Variants in LRRIQ1 observed in about 807,000 individuals in gnomAD.
LRRIQ1 encodes leucine rich repeats and IQ motif containing 1, also known as leucine-rich repeat- and IQ domain-containing protein 1.
Under a neutral mutation model 211.9 loss-of-function variants are expected in LRRIQ1, and 210 were observed. The ratio of observed to expected loss-of-function variants is 0.99; its 90% CI spans 0.89 to 1.11. LRRIQ1 has a LOEUF of 1.11. Among genes scored for constraint, LRRIQ1 ranks in the 50% most tolerant of loss-of-function variants. The pLI is 0.00. For synonymous variants in LRRIQ1, 699 were observed against 650.1 expected (o/e 1.08, Z -1.14); for missense variants, 2,136 against 1,939.5 (o/e 1.10, Z -1.90).
intron 3 of LRRIQ1, 29 bp downstream of exon 3, chr12:85,040,630 A>G (rs1878763984): frequency 7.4e-6 from 10 of 1,348,292 alleles, no homozygotes; most frequent in Non-Finnish European, 1.0e-5. Context: ...TGTCTGGCAG[A>G]TAAGCTTTCT....
At chr12:85,153,391 T>G (rs922239439) in intron 21 of LRRIQ1, among the ~76,000 whole-genome samples, 2 of 151,510 alleles carry the variant, frequency 1.3e-5, no homozygotes, top group Non-Finnish European at 3.0e-5. Context: ...TGTAAACAAG[T>G]GGATCTTTAA....
chr12:85,130,201 G>A (rs923853672), intron 18 of LRRIQ1, among the ~76,000 whole-genome samples: 4 of 152,088 alleles, frequency 2.6e-5, no homozygotes, highest in African/African-American at 9.7e-5. Context: ...TGTCTATACT[G>A]TACTCCTCCT....
At chr12:85,124,625 A>G (rs1438740097) in intron 17 of LRRIQ1, 106 bp downstream of exon 17, 2 of 828,334 alleles carry the variant, frequency 2.4e-6, no homozygotes, top group African/African-American at 1.7e-5. Flanking sequence ...TCAAATCACA[A>G]TCATATTTCA....
chr12:85,172,783 G>A (rs1273985976), intron 24 of LRRIQ1, among the ~76,000 whole-genome samples: 1 of 152,012 alleles, frequency 6.6e-6, no homozygotes, highest in Non-Finnish European at 1.5e-5. Context: ...ATGATATTAG[G>A]CCCTCTTGAT....
At chr12:85,074,752 G>A (rs990391491) in intron 11 of LRRIQ1, among the ~76,000 whole-genome samples, 2 of 151,978 alleles carry the variant, frequency 1.3e-5, no homozygotes, top group Non-Finnish European at 2.9e-5. Flanking sequence ...TATATGAGAT[G>A]TGGCAAAAAA....
At chr12:85,127,207 G>C (rs1592846497) in intron 17 of LRRIQ1, among the ~76,000 whole-genome samples, 1 of 152,234 alleles carries the variant, frequency 6.6e-6, no homozygotes, top group East Asian at 1.9e-4. Context: ...TGCTAATGTT[G>C]CTGGGCAACT....
chr12:85,245,886 T>TAG (rs1389489964), downstream of LRRIQ1, among the ~76,000 whole-genome samples: 19 of 150,950 alleles, frequency 1.3e-4, no homozygotes, highest in African/African-American at 4.6e-4. Context: ...TACATATATA[T>TAG]ATAGAGAGAG....
rs148881960 is a variant in LRRIQ1, at chr12:85,087,457, C to T, written c.2888-10898C>T. On this transcript the variant is annotated intron_variant, in intron 11 of 26. Coordinates refer to ENST00000393217, the MANE Select transcript of LRRIQ1 (RefSeq NM_001079910.2). ...GATTTATAATCCTTTGGGTATATAC[C>T]CAGTAATGGGATACCTGGGTCAAAT... 3.9e-3 allele frequency among the ~76,000 whole-genome samples: 597 copies of T among 152,162 alleles called. 4 individuals are homozygous for T. Among genetic ancestry groups the T allele is most frequent in the African/African-American group, 0.014 (587 of 41,514 alleles).
At position 85,229,499 on chromosome 12, in the gene LRRIQ1, T is replaced by C. The variant is rs758604347; in HGVS notation, c.4823-18T>C. On this transcript the variant is annotated intron_variant, in intron 24 of 26. Transcript: ENST00000393217. ...GTCTCTTTAAATAATAAGTACACGT[T>C]CCATATTTCTTTCACAGGTATAGAA... 6.3e-7 allele frequency: 1 copy of C among 1,588,516 alleles called. No homozygotes were observed. The highest frequency in any genetic ancestry group is 1.2e-5 in the South Asian group (1 of 86,170).
At chr12:85,244,011 T>C (rs1029850434) in intron 26 of LRRIQ1, among the ~76,000 whole-genome samples, 57 of 151,732 alleles carry the variant, frequency 3.8e-4, no homozygotes, top group African/African-American at 1.3e-3. Context: ...TCCCAGCTAC[T>C]CTGAGGCTGC....
chr12:85,214,913 A>C (rs189958402), intron 24 of LRRIQ1, among the ~76,000 whole-genome samples: 334 of 152,290 alleles, frequency 2.2e-3, no homozygotes, highest in African/African-American at 7.7e-3. Context: ...CAGCAGCTAC[A>C]TGGAGAAGGT....
At chr12:85,243,348 T>TATTATTATG (rs1895557160) in intron 26 of LRRIQ1, among the ~76,000 whole-genome samples, 1 of 144,014 alleles carries the variant, frequency 6.9e-6, no homozygotes, top group Non-Finnish European at 1.5e-5. Context: ...TTATTATTAT[T>TATTATTATG]ATTATACTTT....
chr12:85,260,351 C>A (rs189284068), intron 1 of LRRIQ1, among the ~76,000 whole-genome samples: 1 of 151,792 alleles, frequency 6.6e-6, no homozygotes, highest in African/African-American at 2.4e-5. Flanking sequence ...CTGAAGACAT[C>A]TTTATACTAA....
At chr12:85,197,852 A>G (rs1438635593) in intron 24 of LRRIQ1, among the ~76,000 whole-genome samples, 3 of 135,750 alleles carry the variant, frequency 2.2e-5, no homozygotes, top group East Asian at 2.0e-4. Context: ...TATATTTATT[A>G]TAAATATAAT....
intron 18 of LRRIQ1, among the ~76,000 whole-genome samples, chr12:85,135,799 G>C (rs1242620514): frequency 1.0e-5 from 1 of 99,484 alleles, no homozygotes; most frequent in African/African-American, 3.8e-5. Context: ...CAATGTTCCA[G>C]GTTCATTTGA....
At chr12:85,162,989 G>A (rs886700751) in intron 24 of LRRIQ1, among the ~76,000 whole-genome samples, 4 of 152,086 alleles carry the variant, frequency 2.6e-5, no homozygotes, top group East Asian at 1.9e-4. Flanking sequence ...AAACAGTGAC[G>A]AAAAGTGAGG....
At chr12:85,061,640 T>C (rs1424280101) in intron 8 of LRRIQ1, among the ~76,000 whole-genome samples, 1 of 151,812 alleles carries the variant, frequency 6.6e-6, no homozygotes. Flanking sequence ...CATTTGTTAC[T>C]ATACAGCTGT....
intron 24 of LRRIQ1, among the ~76,000 whole-genome samples, chr12:85,200,900 A>G (rs1893256452): frequency 6.6e-6 from 1 of 151,900 alleles, no homozygotes; most frequent in South Asian, 2.1e-4. Flanking sequence ...GCTCACTGCA[A>G]CCTTCACCTC....
chr12:85,162,736 C>A (rs1159702803), intron 24 of LRRIQ1: 1 of 455,706 alleles, frequency 2.2e-6, no homozygotes, highest in Non-Finnish European at 4.4e-6. Flanking sequence ...ATGTGATGTT[C>A]TATGATTTTG....
Sources: allele counts gnomAD v4.1 joint callset (sites outside exome capture counted in the v4.1 genomes callset), GRCh38; gene constraint gnomAD v4.1.1; transcripts MANE v1.5; gene names NCBI Gene and HGNC (gene_info 2026-07-23, HGNC 2026-07-21).